The following ADAP1 variants were observed in gnomAD, a reference collection of about 807,000 sequenced individuals.
The protein encoded by ADAP1 is ArfGAP with dual PH domains 1, also known as arf-GAP with dual PH domain-containing protein 1.
ADAP1 carries 31 observed loss-of-function variants against 54.9 expected under a neutral mutation model. The ratio of observed to expected loss-of-function variants is 0.56; its 90% confidence interval spans 0.42 to 0.76. The LOEUF (loss-of-function observed/expected upper bound fraction) is 0.76, where lower values mean the gene tolerates loss of function less well. Ranked by LOEUF, ADAP1 falls within the 30% of genes least tolerant of loss-of-function variation. ADAP1 has a pLI of 0.00. For synonymous variants in ADAP1, 313 were observed against 202.6 expected (o/e 1.55, Z -4.63); for missense variants, 535 against 512.4 (o/e 1.04, Z -0.42).
Position 944,908 on chromosome 7 carries a change from G to C in ADAP1, c.83-9403C>G, listed in dbSNP as rs555548139. ...GACCCTGGGAGGGAAGAGCCCGGGG[G>C]GGTGACTCTGGGTGACTCTGGGCGA... On this transcript the variant is annotated intron_variant, in intron 1 of 10. Coordinates refer to ENST00000265846, the MANE Select transcript of ADAP1 (RefSeq NM_006869.4). 9.6e-5 allele frequency among the ~76,000 whole-genome samples: 14 copies of C among 145,726 alleles called. 1 individual carries two copies. The South Asian group carries it at 2.9e-3, about 31-fold the overall frequency.
At chr7:918,917 TG>T (rs1451709447) in intron 4 of ADAP1, among the ~76,000 whole-genome samples, 1 of 40,336 alleles carries the variant, frequency 2.5e-5, no homozygotes, top group African/African-American at 2.4e-4. Context: ...AAGCAGGAGT[TG>T]GGGACTGCTG....
chr7:914,676 G>A (rs191622879), intron 4 of ADAP1, among the ~76,000 whole-genome samples: 86 of 152,270 alleles, frequency 5.6e-4, no homozygotes, highest in African/African-American at 1.7e-3. Flanking sequence ...AAATAGCAGC[G>A]GGCAGCTAGG....
Position 920,898 on chromosome 7 carries a change from GAAC to G in ADAP1, c.306-851_306-849del. On this transcript the variant is annotated intron_variant, in intron 3 of 10. Transcript: ENST00000265846. This position sits in a 1 kb window ranked among gnomAD's most constrained non-coding sequence, Gnocchi z 4.5. ...CACTCCCAGGGAATTACGCGGCAAAGAACAAATAGGAACCCTGTGGCTTCCTGC... is the reference window on the plus strand; with the variant it reads ...CACTCCCAGGGAATTACGCGGCAAAGAAATAGGAACCCTGTGGCTTCCTGC... 1 of 1,545,928 alleles carries G rather than the reference GAAC, an allele frequency of 6.5e-7. No homozygotes were observed. Among genetic ancestry groups the G allele is most frequent in the Non-Finnish European group, 8.7e-7 (1 of 1,143,636 alleles).
chr7:913,908 C>T (rs1438018599), intron 4 of ADAP1, among the ~76,000 whole-genome samples: 1 of 152,220 alleles, frequency 6.6e-6, no homozygotes, highest in African/African-American at 2.4e-5. Context: ...GCACCGCAGC[C>T]TGGGCAACAG....
At chr7:900,284 CT>C in intron 7 of ADAP1, 120 bp from the exon 8 acceptor site, 1 of 1,253,262 alleles carries the variant, frequency 8.0e-7, no homozygotes. Flanking sequence ...CCAGGCCTGG[CT>C]TAGCCTCCGC....
rs1023814319 is a variant in ADAP1 at position 946,206 on chromosome 7, A to G, written c.82+8190T>C. ...CCAACTCCACCTCCGTGTTTTCCGC[A>G]TATTGTCTCCCAGTTACCCGTGGCC... On this transcript the variant is annotated intron_variant, in intron 1 of 10. Transcript: ENST00000265846. This position sits in a 1 kb window ranked among gnomAD's most constrained non-coding sequence, Gnocchi z 4.3. 1.3e-5 allele frequency among the ~76,000 whole-genome samples: 2 copies of G among 151,924 alleles called. No individual in the cohort carries two copies. The highest frequency in any genetic ancestry group is 3.9e-4 in the East Asian group (2 of 5,156).
intron 1 of ADAP1, among the ~76,000 whole-genome samples, chr7:947,505 C>G (rs1847170343): frequency 6.6e-6 from 1 of 152,066 alleles, no homozygotes; most frequent in Admixed American, 6.5e-5. Context: ...ATCGCAGGTC[C>G]CTCCCGTCTC....
chr7:901,366 A>C, intron 6 of ADAP1: 1 of 215,482 alleles, frequency 4.6e-6, no homozygotes, highest in South Asian at 5.9e-5. Context: ...GGAGCTGGTG[A>C]CCTCTGGAAA....
intron 9 of ADAP1, 42 bp from the exon 10 acceptor site, chr7:899,303 C>G: frequency 6.2e-7 from 1 of 1,608,760 alleles, no homozygotes; most frequent in Non-Finnish European, 8.5e-7. Flanking sequence ...CATGTCCCTT[C>G]CAGCCCCGCT....
chr7:951,444 G>A (rs946791876), intron 1 of ADAP1, among the ~76,000 whole-genome samples: 3 of 151,378 alleles, frequency 2.0e-5, no homozygotes, highest in African/African-American at 4.9e-5. Context: ...CCCAGCCCCC[G>A]CCCACACTCA....
At chr7:905,458 AAAGGAGAAAGGAGAAAGG>A (rs1437111063) in intron 4 of ADAP1, 11 of 127,396 alleles carry the variant, frequency 8.6e-5, no homozygotes, top group Admixed American at 3.5e-4. Context: ...GGAGAAAGGG[AAAGGAGAAAGGAGAAAGG>A]GAAAGGAGAA....
chr7:943,860 GGAGGAGGAAGAGAGAGAA>G (rs1397623102), intron 1 of ADAP1, among the ~76,000 whole-genome samples: 2 of 151,052 alleles, frequency 1.3e-5, no homozygotes, highest in East Asian at 1.9e-4. Context: ...AAGGGAGAGA[GGAGGAGGAAGAGAGAGAA>G]GAGGAGAAAG....
chr7:954,127 C>A (rs1178991576), intron 1 of ADAP1, among the ~76,000 whole-genome samples: 2 of 146,892 alleles, frequency 1.4e-5, no homozygotes, highest in Non-Finnish European at 3.0e-5. Flanking sequence ...CGCAGCCCGG[C>A]GGGGGAGGGG....
At chr7:899,907 G>C (rs1844702853) in intron 8 of ADAP1, among the ~76,000 whole-genome samples, 195 bp downstream of exon 8, 1 of 152,228 alleles carries the variant, frequency 6.6e-6, no homozygotes, top group African/African-American at 2.4e-5. Flanking sequence ...GAGCGGGCAG[G>C]GAGGGTCTAA....
At chr7:929,526 A>AC (rs1846498611) in intron 2 of ADAP1, among the ~76,000 whole-genome samples, 2 of 151,366 alleles carry the variant, frequency 1.3e-5, no homozygotes, top group South Asian at 2.1e-4. Flanking sequence ...AAAAAAAAAA[A>AC]AAAAAAAAAC....
chr7:941,467 T>C (rs951354580), intron 1 of ADAP1, among the ~76,000 whole-genome samples: 3 of 152,186 alleles, frequency 2.0e-5, no homozygotes, highest in Non-Finnish European at 2.9e-5. Context: ...GGTTGAAGGA[T>C]ACAAGATAAA....
At position 905,140 on chromosome 7, in the gene ADAP1, G is replaced by T. The variant is rs762877822; in HGVS notation, c.421C>A (p.Arg141=). 1.9e-6 allele frequency: 3 copies of T among 1,612,296 alleles called. No individual in the cohort carries two copies. The highest frequency in any genetic ancestry group is 2.2e-5 in the East Asian group (1 of 44,880). The change falls in exon 5 of 11, where the codon CGG becomes AGG. Residue 141 remains arginine (R), a synonymous_variant. Coordinates refer to ENST00000265846, the MANE Select transcript of ADAP1 (RefSeq NM_006869.4). ...YREGFLWKRG[R]DNGQFLSRKF... ...CGGCTCAAAAACTGCCCGTTGTCCCGGCCACGCTTCCAGAGAAAACCCTCA... is the reference window on the plus strand; with the variant it reads ...CGGCTCAAAAACTGCCCGTTGTCCCTGCCACGCTTCCAGAGAAAACCCTCA...
chr7:905,170 AC>A lies in ADAP1; in HGVS notation c.390del (p.Tyr131ThrfsTer17). On this transcript the variant is annotated frameshift_variant and splice_region_variant, in exon 5 of 11. Transcript: ENST00000265846. LOFTEE classifies it high-confidence loss of function. The stretch of plus-strand genomic sequence containing the variant: ...CGCTTCCAGAGAAAACCCTCACGGT[AC>A]CCTGTGGGGGAAAGGGGACACGAGT... Reference protein sequence around the residue: ...YPEKQEPYSAGYREGFLWKRG... With the variant: ...YPEKQEPYSAXYREGFLWKRG... 1 of 1,610,580 alleles carries A rather than the reference AC, an allele frequency of 6.2e-7. No individual in the cohort carries two copies. The highest frequency in any genetic ancestry group is 8.5e-7 in the Non-Finnish European group (1 of 1,179,096).
chr7:901,067 A>G (rs1268040795), intron 6 of ADAP1: 2 of 470,710 alleles, frequency 4.2e-6, no homozygotes, highest in South Asian at 3.1e-5. Flanking sequence ...TCATCTGTTT[A>G]TAAACGCCCT....
Sources: gnomAD v4.1 joint callset for allele counts (sites outside exome capture counted in the v4.1 genomes callset) on GRCh38, gnomAD v4.1.1 for gene constraint, Gnocchi (gnomAD v3.1) non-coding constraint, MANE v1.5 for transcripts, NCBI Gene and HGNC (gene_info 2026-07-23, HGNC 2026-07-21) for gene names.